The following ARAP2 variants were observed in gnomAD, a reference collection of about 807,000 sequenced individuals.
The protein encoded by ARAP2 is arf-GAP with Rho-GAP domain, ANK repeat and PH domain-containing protein 2.
In ARAP2, 148 loss-of-function variants were observed where a neutral mutation model predicts 194.5. That is an observed-to-expected ratio of 0.76 (90% CI 0.67 to 0.87). The LOEUF (loss-of-function observed/expected upper bound fraction) is 0.87, where lower values mean the gene tolerates loss of function less well. Ranked by LOEUF, ARAP2 falls within the 40% of genes least tolerant of loss-of-function variation. ARAP2 has a pLI of 0.00. For missense variants in ARAP2, 2,128 were observed against 1,989.7 expected (o/e 1.07, Z -1.32); for synonymous variants, 695 against 683.5 (o/e 1.02, Z -0.26).
chr4:36,164,175 C>T (rs921089223), intron 11 of ARAP2, among the ~76,000 whole-genome samples: 1 of 152,180 alleles, frequency 6.6e-6, no homozygotes, highest in Non-Finnish European at 1.5e-5. Context: ...TTCTCTCTCT[C>T]TGTCTCTCTC....
intron 1 of ARAP2, among the ~76,000 whole-genome samples, chr4:36,236,399 C>T (rs1050516033): frequency 6.6e-6 from 1 of 152,056 alleles, no homozygotes; most frequent in Non-Finnish European, 1.5e-5. Context: ...CTAGAATCAC[C>T]TTTGCCTAAC....
intron 25 of ARAP2, among the ~76,000 whole-genome samples, chr4:36,116,487 G>A (rs987576109): frequency 6.6e-6 from 1 of 151,834 alleles, no homozygotes; most frequent in Admixed American, 6.6e-5. Flanking sequence ...CAAATGATCA[G>A]TACTCTCAAG....
chr4:36,151,077 G>C, intron 15 of ARAP2, 33 bp from the exon 16 acceptor site: 2 of 1,557,120 alleles, frequency 1.3e-6, no homozygotes, highest in Non-Finnish European at 1.7e-6. Flanking sequence ...ATAACAAATT[G>C]AGCTAATCAC....
At chr4:36,164,837 T>C in intron 11 of ARAP2, 77 bp downstream of exon 11, 1 of 1,383,498 alleles carries the variant, frequency 7.2e-7, no homozygotes, top group Non-Finnish European at 1.0e-6. Flanking sequence ...AGCTAGGATA[T>C]ATAATATGCA....
chr4:36,199,585 T>C (rs1207109229), intron 6 of ARAP2, among the ~76,000 whole-genome samples: 1 of 152,144 alleles, frequency 6.6e-6, no homozygotes, highest in Non-Finnish European at 1.5e-5. Context: ...CCACCACGCC[T>C]GACCAAATTA....
intron 5 of ARAP2, among the ~76,000 whole-genome samples, chr4:36,025,895 A>G (rs1016615265): frequency 1.3e-5 from 2 of 152,176 alleles, no homozygotes; most frequent in Non-Finnish European, 2.9e-5. Flanking sequence ...TGAAGGTGCC[A>G]GGATAAATTA....
At position 36,107,669 on chromosome 4, in the gene ARAP2, T is replaced by G. The variant is rs953401006; in HGVS notation, c.4181A>C (p.Asn1394Thr). ...ELERPLHYKE[N>T]VLEQVLRWSS... The stretch of plus-strand genomic sequence containing the variant: ...CCACCGAAGCACCTGCTCCAGTACA[T>G]TTTCCTTGTAGTGAAGAGGACGCTC... The change falls in exon 27 of 33, where the codon AAT becomes ACT. Residue 1394 changes from asparagine (N) to threonine (T), a missense_variant. Physicochemically the swap from Asn to Thr is moderately conservative, Grantham distance 65 (BLOSUM62 0). Transcript: ENST00000303965. 2 of 1,608,800 alleles carry G rather than the reference T, an allele frequency of 1.2e-6. No individual in the cohort carries two copies. The highest frequency in any genetic ancestry group is 4.5e-5 in the East Asian group (2 of 44,560).
intron 15 of ARAP2, among the ~76,000 whole-genome samples, chr4:36,155,088 T>G (rs976590378): frequency 6.6e-6 from 1 of 152,242 alleles, no homozygotes; most frequent in Non-Finnish European, 1.5e-5. Flanking sequence ...TATTGATATA[T>G]GAGTCACCCA....
Position 36,068,128 on chromosome 4 carries a change from T to G in ARAP2, c.4894A>C (p.Ser1632Arg). 1 of 1,614,154 alleles carries G rather than the reference T, an allele frequency of 6.2e-7. No homozygotes were observed. The highest frequency in any genetic ancestry group is 8.5e-7 in the Non-Finnish European group (1 of 1,180,000). The change falls in exon 33 of 33, where the codon AGT becomes CGT. Residue 1632 changes from serine to arginine, a missense_variant. Ser to Arg is a moderately radical substitution (Grantham distance 110). Transcript: ENST00000303965. ...TCTGTGTCCTCCAGGCAGTTGAAACTCCGATGTTTTCGGGGTCGATTTCGA... is the reference window on the plus strand; with the variant it reads ...TCTGTGTCCTCCAGGCAGTTGAAACGCCGATGTTTTCGGGGTCGATTTCGA... ...KLRNRPRKHR[S>R]FNCLEDTEPE...
chr4:36,110,843 T>C (rs192428952), intron 26 of ARAP2, among the ~76,000 whole-genome samples: 2 of 152,064 alleles, frequency 1.3e-5, no homozygotes. Context: ...TATAGCAATC[T>C]GAATTAGTAG....
intron 14 of ARAP2, 109 bp downstream of exon 14, chr4:36,159,222 T>G (rs1733339495): frequency 8.3e-7 from 1 of 1,207,170 alleles, no homozygotes; most frequent in African/African-American, 1.6e-5. Context: ...TAATTACATT[T>G]TTCTTCATTC....
chr4:36,116,937 G>A, intron 25 of ARAP2, 124 bp downstream of exon 25: 2 of 503,408 alleles, frequency 4.0e-6, no homozygotes, highest in Non-Finnish European at 6.4e-6. Flanking sequence ...AAAAGTCTAT[G>A]TTGTCAGTCG....
intron 5 of ARAP2, among the ~76,000 whole-genome samples, chr4:36,027,497 G>A (rs984507198): frequency 2.0e-5 from 3 of 151,634 alleles, no homozygotes; most frequent in African/African-American, 4.8e-5. Flanking sequence ...ATTTCATTAC[G>A]AAGCAATCGC....
chr4:36,177,885 T>C lies in ARAP2; in HGVS notation c.1799A>G (p.Lys600Arg). 1 of 1,613,522 alleles carries C rather than the reference T, an allele frequency of 6.2e-7. No homozygotes were observed. Residue 600 changes from lysine (K) to arginine (R), a missense_variant, in exon 9 of 33, where the codon AAG becomes AGG. Transcript: ENST00000303965. ...ACTTAACACAGTAAAAATTTTTGCCTTATAGCCTCTCAATTCAAGATATCC... is the reference window on the plus strand; with the variant it reads ...ACTTAACACAGTAAAAATTTTTGCCCTATAGCCTCTCAATTCAAGATATCC... ...KCGYLELRGY[K>R]AKIFTVLSGN...
intron 5 of ARAP2, among the ~76,000 whole-genome samples, chr4:36,032,010 T>C (rs1206878417): frequency 2.0e-4 from 30 of 152,108 alleles, no homozygotes; most frequent in Admixed American, 1.9e-3. Flanking sequence ...TTAAAAGCTG[T>C]TAAAGAAAAA....
chr4:36,130,661 A>G (rs1725209610), intron 20 of ARAP2, among the ~76,000 whole-genome samples: 1 of 151,858 alleles, frequency 6.6e-6, no homozygotes, highest in Non-Finnish European at 1.5e-5. Flanking sequence ...GTAACTGCTC[A>G]TGTATTTGTC....
chr4:36,164,086 A>T (rs1466385804), intron 11 of ARAP2, among the ~76,000 whole-genome samples: 2 of 152,100 alleles, frequency 1.3e-5, no homozygotes, highest in African/African-American at 4.8e-5. Flanking sequence ...CATTTGTCTC[A>T]TTATTGTGGA....
At chr4:36,011,097 A>T (rs1714451993) in intron 9 of ARAP2, among the ~76,000 whole-genome samples, 1 of 152,136 alleles carries the variant, frequency 6.6e-6, no homozygotes, top group Non-Finnish European at 1.5e-5. Flanking sequence ...TCCAAGAAAG[A>T]GTGGCTCAAA....
chr4:36,051,662 T>C (rs1417741821), intron 3 of ARAP2, among the ~76,000 whole-genome samples: 2 of 152,216 alleles, frequency 1.3e-5, no homozygotes, highest in African/African-American at 4.8e-5. Context: ...AGATTGTCTG[T>C]CTTTTATCCT....
Sources: allele counts gnomAD v4.1 joint callset (sites outside exome capture counted in the v4.1 genomes callset), GRCh38; gene constraint gnomAD v4.1.1; transcripts MANE v1.5; gene names NCBI Gene and HGNC (gene_info 2026-07-23, HGNC 2026-07-21).